Variants in IKZF2 observed in about 807,000 individuals in gnomAD.
IKZF2 encodes the protein zinc finger protein Helios.
In IKZF2, 15 loss-of-function variants were observed where a neutral mutation model predicts 49.2. That is an observed-to-expected ratio of 0.30 (90% CI 0.20 to 0.47). IKZF2 has a LOEUF of 0.47. IKZF2 is among the 20% of genes least tolerant of loss of function. IKZF2 has a pLI of 1.00. For synonymous variants in IKZF2, 227 were observed against 221.4 expected (o/e 1.03, Z -0.23); for missense variants, 567 against 664.6 (o/e 0.85, Z 1.61).
At chr2:213,118,850 T>A (rs1258294161) in intron 4 of IKZF2, among the ~76,000 whole-genome samples, 1 of 152,220 alleles carries the variant, frequency 6.6e-6, no homozygotes, top group Non-Finnish European at 1.5e-5. Context: ...TTCTTCTCCA[T>A]ACCCTCCAGC....
chr2:213,003,652 TAGTG>T lies in IKZF2; in HGVS notation c.*3704_*3707del, dbSNP rs1456396488. The T allele has an allele frequency of 3.3e-5, 5 of 151,674 alleles. 1 individual carries two copies. The highest frequency in any genetic ancestry group is 1.2e-4 in the African/African-American group (5 of 41,408). 9.4% of individuals were successfully genotyped at this position (151,674 alleles called of 1,614,324 possible). ...ATAGGATGAAATAAAATTTGGAAGA[TAGTG>T]AGAACATAATAATTTTCATCTAAAT... On this transcript the variant is annotated 3_prime_UTR_variant, in exon 9 of 9. Coordinates refer to ENST00000434687, the MANE Select transcript of IKZF2 (RefSeq NM_001387220.1).
intron 4 of IKZF2, among the ~76,000 whole-genome samples, chr2:213,121,728 A>G (rs2125835066): frequency 6.6e-6 from 1 of 152,340 alleles, no homozygotes; most frequent in East Asian, 1.9e-4. Flanking sequence ...CATTGGTTTA[A>G]AATGGCCATT....
intron 2 of IKZF2, among the ~76,000 whole-genome samples, chr2:213,149,740 C>G (rs533108326): frequency 6.6e-6 from 1 of 151,630 alleles, no homozygotes; most frequent in African/African-American, 2.4e-5. Context: ...CACTTCCCTT[C>G]TCCCTCCCCT....
intron 4 of IKZF2, among the ~76,000 whole-genome samples, chr2:213,074,507 T>C (rs1703048159): frequency 1.3e-5 from 2 of 152,352 alleles, no homozygotes; most frequent in South Asian, 4.1e-4. Flanking sequence ...TGGTCTATCA[T>C]TGAAAAGTTA....
intron 4 of IKZF2, among the ~76,000 whole-genome samples, chr2:213,130,349 TAAAC>T (rs1376843866): frequency 7.7e-4 from 117 of 152,290 alleles, no homozygotes; most frequent in African/African-American, 2.8e-3. Context: ...TGCTTTGTTA[TAAAC>T]TGACAAACAC....
intron 6 of IKZF2, among the ~76,000 whole-genome samples, 183 bp downstream of exon 6, chr2:213,049,530 G>A (rs944962862): frequency 9.9e-5 from 15 of 152,012 alleles, no homozygotes; most frequent in Admixed American, 7.2e-4. Flanking sequence ...CTGCCAAGCC[G>A]TAAAGTCTAA....
At chr2:213,104,322 C>T (rs996036297) in intron 4 of IKZF2, among the ~76,000 whole-genome samples, 1 of 151,746 alleles carries the variant, frequency 6.6e-6, no homozygotes, top group African/African-American at 2.4e-5. Flanking sequence ...AACCACAGGG[C>T]AGAGGCAAGG....
intron 4 of IKZF2, among the ~76,000 whole-genome samples, chr2:213,133,337 TG>T (rs1328236107): frequency 4.6e-5 from 7 of 152,180 alleles, no homozygotes; most frequent in Admixed American, 3.9e-4. Context: ...ATAAAATATC[TG>T]TCTAGGGGCC....
chr2:213,069,990 A>G (rs1308287721), intron 4 of IKZF2, among the ~76,000 whole-genome samples: 2 of 152,180 alleles, frequency 1.3e-5, no homozygotes, highest in Non-Finnish European at 2.9e-5. Context: ...TAATTGTGCG[A>G]TATTTTTAAC....
chr2:213,150,849 C>A (rs1213658922), intron 1 of IKZF2, among the ~76,000 whole-genome samples: 2 of 151,234 alleles, frequency 1.3e-5, no homozygotes, highest in East Asian at 3.9e-4. Flanking sequence ...CATACTAGAA[C>A]CTGTCAAAGT....
chr2:213,041,073 A>G (rs1240987298), intron 6 of IKZF2, among the ~76,000 whole-genome samples: 1 of 151,944 alleles, frequency 6.6e-6, no homozygotes, highest in African/African-American at 2.4e-5. Flanking sequence ...AGCCGAGATC[A>G]CGCCACTGCA....
rs566461054 is a variant in IKZF2 at position 213,134,945 on chromosome 2, C to A, written c.139+12763G>T. Among the ~76,000 whole-genome samples, 3 of 152,218 alleles carry A rather than the reference C, an allele frequency of 2.0e-5. No homozygotes were observed. In the East Asian group the frequency reaches 5.8e-4, roughly 29 times the overall value. Reference sequence around the variant, plus strand: ...CACTTCTGAATCTGTTATTTTTATTCTTTCTTTCTTCTTGCCAGCTTTCTT... The same window carrying A: ...CACTTCTGAATCTGTTATTTTTATTATTTCTTTCTTCTTGCCAGCTTTCTT... On this transcript the variant is annotated intron_variant, in intron 4 of 8. Coordinates refer to ENST00000434687, the MANE Select transcript of IKZF2 (RefSeq NM_001387220.1).
chr2:213,128,822 T>TG (rs1170350290), intron 4 of IKZF2, among the ~76,000 whole-genome samples: 1 of 148,990 alleles, frequency 6.7e-6, no homozygotes, highest in Non-Finnish European at 1.5e-5. Flanking sequence ...TTTTTTTTTT[T>TG]TGTATTTTTA....
chr2:213,078,637 A>C (rs1220897459), intron 4 of IKZF2, among the ~76,000 whole-genome samples: 1 of 152,212 alleles, frequency 6.6e-6, no homozygotes, highest in Non-Finnish European at 1.5e-5. Flanking sequence ...TGCCCTCTAA[A>C]TACTGTGTTT....
At chr2:213,016,685 A>G (rs1289595037) in intron 7 of IKZF2, among the ~76,000 whole-genome samples, 1 of 152,170 alleles carries the variant, frequency 6.6e-6, no homozygotes, top group Non-Finnish European at 1.5e-5. Context: ...CTTTGACCTT[A>G]TATTTGAGGT....
At chr2:213,081,285 A>G (rs1208144368) in intron 4 of IKZF2, 1 of 154,674 alleles carries the variant, frequency 6.5e-6, no homozygotes, top group Non-Finnish European at 1.5e-5. Flanking sequence ...AAAAAAGAAT[A>G]GGTATGTAAG....
intron 4 of IKZF2, among the ~76,000 whole-genome samples, chr2:213,124,248 GCGCGCACACACACACA>G (rs1474731319): frequency 3.2e-4 from 37 of 115,540 alleles, no homozygotes; most frequent in South Asian, 2.7e-3. Flanking sequence ...GCTCGCGCGC[GCGCGCACACACACACA>G]CACACACACA....
At chr2:213,025,255 C>T (rs1697692754) in intron 6 of IKZF2, among the ~76,000 whole-genome samples, 1 of 152,126 alleles carries the variant, frequency 6.6e-6, no homozygotes, top group Non-Finnish European at 1.5e-5. Flanking sequence ...ATATTGTTCT[C>T]AGTACAATGT....
intron 4 of IKZF2, among the ~76,000 whole-genome samples, chr2:213,116,571 CA>C (rs1270145632): frequency 4.6e-5 from 7 of 152,016 alleles, no homozygotes; most frequent in Non-Finnish European, 8.8e-5. Flanking sequence ...CTTGTCTGTA[CA>C]AAAAACATTT....
Sources: gnomAD v4.1 joint callset for allele counts (sites outside exome capture counted in the v4.1 genomes callset) on GRCh38, gnomAD v4.1.1 for gene constraint, MANE v1.5 for transcripts, NCBI Gene and HGNC (gene_info 2026-07-23, HGNC 2026-07-21) for gene names.